Variants in MTX1 observed in about 807,000 individuals in gnomAD.
The protein encoded by MTX1 is metaxin-1.
A neutral mutation model predicts 39.4 loss-of-function variants in MTX1; 20 were observed. That is an observed-to-expected ratio of 0.51 (90% CI 0.36 to 0.74). The LOEUF (loss-of-function observed/expected upper bound fraction) is 0.74. MTX1 is among the 30% of genes least tolerant of loss of function. MTX1 has a pLI of 0.00. For missense variants in MTX1, 481 were observed against 485.9 expected (o/e 0.99, Z 0.10); for synonymous variants, 209 against 198.6 (o/e 1.05, Z -0.44).
At position 155,209,205 on chromosome 1, in the gene MTX1, G is replaced by A; in HGVS notation, c.401G>A (p.Arg134Lys). ...AVAGGGPRQG[R>K]AEAHKEVFPG... ...GCGGGGGGCGGGCCCAGGCAGGGGA[G>A]GGCAGAAGCACACAAGGAAGTGTTT... is the stretch of plus-strand genomic sequence containing the variant. Residue 134 changes from arginine to lysine, a missense_variant, in exon 1 of 8, where the codon AGG (arginine) becomes AAG (lysine). Arg to Lys is a conservative substitution (Grantham distance 26). This residue lies in a region of MTX1 where 368 missense variants were observed against 332.8 expected (regional missense o/e 1.11). Coordinates refer to ENST00000368376, the MANE Select transcript of MTX1 (RefSeq NM_002455.5). The A allele has an allele frequency of 4.1e-6, 6 of 1,463,800 alleles. No individual in the cohort carries two copies. The highest frequency in any genetic ancestry group is 5.4e-6 in the Non-Finnish European group (6 of 1,105,374). The allele number at this position is 1,463,800 out of a possible 1,614,324, so 90.7% of individuals were successfully genotyped here.
chr1:155,208,864 G>T lies in MTX1; in HGVS notation c.60G>T (p.Trp20Cys), dbSNP rs368634289. The change falls in exon 1 of 8, where the codon TGG (tryptophan) becomes TGT (cysteine). Residue 20 changes from tryptophan to cysteine, a missense_variant. Trp to Cys is a radical substitution (Grantham distance 215). This residue lies in a region of MTX1 where 368 missense variants were observed against 332.8 expected (regional missense o/e 1.11). Transcript: ENST00000368376. ...PRSGTSPKGP[W>C]SSTGHVQFGK... ...CGGGGACGAGCCCCAAGGGGCCCTG[G>T]AGCAGTACAGGCCACGTGCAGTTTG... The T allele has an allele frequency of 6.8e-6, 11 of 1,610,388 alleles. No individual in the cohort carries two copies. Among genetic ancestry groups the T allele is most frequent in the Admixed American group, 1.7e-5 (1 of 59,820 alleles).
rs150486798 is a variant in MTX1, at chr1:155,210,870, G to A, written c.678+243G>A. The A allele has an allele frequency of 3.4e-4, 186 of 541,756 alleles. 1 individual carries two copies. Among genetic ancestry groups the A allele is most frequent in the African/African-American group, 3.2e-3 (168 of 52,584 alleles). The allele number at this position is 541,756 out of a possible 1,614,324, so 33.6% of individuals were successfully genotyped here. On this transcript the variant is annotated intron_variant, in intron 3 of 7. Transcript: ENST00000368376. ...AGAGGAGCACAGGCTGAAGGAGAGT[G>A]GAAGACAGCAGTTGGCCTCTGATGG...
chr1:155,210,482 T>A, intron 2 of MTX1, 66 bp from the exon 3 acceptor site: 1 of 1,606,622 alleles, frequency 6.2e-7, no homozygotes, highest in South Asian at 1.1e-5. Context: ...TAGGCAGGAA[T>A]GTGTTGCAAC....
rs886637899 is a variant in MTX1, at chr1:155,209,199, A to C, written c.395A>C (p.Gln132Pro). 8 of 1,466,040 alleles carry C rather than the reference A, an allele frequency of 5.5e-6. No homozygotes were observed. Among genetic ancestry groups the C allele is most frequent in the Non-Finnish European group, 6.3e-6 (7 of 1,106,994 alleles). 90.8% of individuals were successfully genotyped at this position (1,466,040 alleles called of 1,614,324 possible). ...GCGGTGGCGGGGGGCGGGCCCAGGC[A>C]GGGGAGGGCAGAAGCACACAAGGAA... ...GGAVAGGGPR[Q>P]GRAEAHKEVF... Residue 132 changes from glutamine to proline, a missense_variant, in exon 1 of 8, where the codon CAG becomes CCG. This residue lies in a region of MTX1 where 368 missense variants were observed against 332.8 expected (regional missense o/e 1.11). Transcript: ENST00000368376.
At position 155,209,073 on chromosome 1, in the gene MTX1, C is replaced by T. The variant is rs995818317; in HGVS notation, c.269C>T (p.Ala90Val). Reference sequence around the variant, plus strand: ...GGCCGGCGGCCGCCCTCCCCCGAGGCCCGCGGCCCAGTCCCCCGCAGTTCA... The same window carrying T: ...GGCCGGCGGCCGCCCTCCCCCGAGGTCCGCGGCCCAGTCCCCCGCAGTTCA... ...WMGRRPPSPE[A>V]RGPVPRSSAA... The change falls in exon 1 of 8, where the codon GCC (alanine) becomes GTC (valine). Residue 90 changes from alanine (A) to valine (V), a missense_variant. Ala to Val is a moderately conservative substitution (Grantham distance 64). Around this residue, in one of 2 missense-constraint regions of MTX1, gnomAD observed 368 missense variants for 332.8 expected, o/e 1.11. Coordinates refer to ENST00000368376, the MANE Select transcript of MTX1 (RefSeq NM_002455.5). 1 of 1,538,832 alleles carries T rather than the reference C, an allele frequency of 6.5e-7. No homozygotes were observed. Among genetic ancestry groups the T allele is most frequent in the Non-Finnish European group, 8.8e-7 (1 of 1,141,536 alleles).
At chr1:155,210,277 A>G in intron 1 of MTX1, 69 bp from the exon 2 acceptor site, 1 of 1,366,284 alleles carries the variant, frequency 7.3e-7, no homozygotes, top group South Asian at 1.2e-5. Flanking sequence ...AATAAATGTT[A>G]TTTCTCTTCT....
chr1:155,209,280 G>C lies in MTX1; in HGVS notation c.476G>C (p.Trp159Ser). The C allele has an allele frequency of 6.9e-7, 1 of 1,446,032 alleles. No individual in the cohort carries two copies. Among genetic ancestry groups the C allele is most frequent in the Non-Finnish European group, 9.1e-7 (1 of 1,098,336 alleles). The allele number at this position is 1,446,032 out of a possible 1,614,324, so 89.6% of individuals were successfully genotyped here. The change falls in exon 1 of 8, where the codon TGG becomes TCG. Residue 159 changes from tryptophan to serine, a missense_variant. Physicochemically the swap from Trp to Ser is radical, Grantham distance 177 (BLOSUM62 -3). Coordinates refer to ENST00000368376, the MANE Select transcript of MTX1 (RefSeq NM_002455.5). ...GCGGCGCCCATGGAGCTGTTCTGCT[G>C]GTCAGGGGGCTGGGGGCTGCCGTCA... ...KMAAPMELFCWSGGWGLPSVD... is the reference protein window; with the variant it reads ...KMAAPMELFCSSGGWGLPSVD...
rs146096374 is a variant in MTX1 at position 155,212,208 on chromosome 1, C to T, written c.760C>T (p.Leu254Phe). 3.4e-5 allele frequency: 54 copies of T among 1,611,054 alleles called. No individual in the cohort carries two copies. The highest frequency in any genetic ancestry group is 1.6e-4 in the East Asian group (7 of 44,880). Residue 254 changes from leucine to phenylalanine, a missense_variant, in exon 4 of 8, where the codon CTC (leucine) becomes TTC (phenylalanine). Leu to Phe is a conservative substitution (Grantham distance 22, BLOSUM62 0). Coordinates refer to ENST00000368376, the MANE Select transcript of MTX1 (RefSeq NM_002455.5). ...CATGTCTCTCCTGGAGGAGAAGTTG[C>T]TCCCGGTGCTGGTGAGTGTGCCCAG... ...AFMSLLEEKLLPVLVHTFWID... is the reference protein window; with the variant it reads ...AFMSLLEEKLFPVLVHTFWID...
intron 3 of MTX1, chr1:155,211,817 C>A (rs1671139539): frequency 4.2e-6 from 1 of 239,832 alleles, no homozygotes; most frequent in Non-Finnish European, 8.2e-6. Flanking sequence ...AAGTTGCCGT[C>A]AGCGGGCGTT....
At chr1:155,212,911 A>G in intron 6 of MTX1, 141 bp downstream of exon 6, 1 of 1,166,360 alleles carries the variant, frequency 8.6e-7, no homozygotes, top group Non-Finnish European at 1.1e-6. Context: ...CCCTAGTGAC[A>G]GTGTGACTGT....
At chr1:155,210,652 T>G in intron 3 of MTX1, 25 bp downstream of exon 3, 1 of 1,599,136 alleles carries the variant, frequency 6.3e-7, no homozygotes, top group African/African-American at 1.3e-5. Flanking sequence ...TAGAGGGGGC[T>G]GCCAGTGAGA....
Position 155,208,870 on chromosome 1 carries a change from T to A in MTX1, c.66T>A (p.Ser22Arg). ...CGAGCCCCAAGGGGCCCTGGAGCAG[T>A]ACAGGCCACGTGCAGTTTGGCAAGA... ...SGTSPKGPWS[S>R]TGHVQFGKSP... Residue 22 changes from serine (S) to arginine (R), a missense_variant, in exon 1 of 8, where the codon AGT (serine) becomes AGA (arginine). By Grantham distance (110) the Ser-to-Arg change is moderately radical. Transcript: ENST00000368376. The A allele has an allele frequency of 6.2e-7, 1 of 1,611,492 alleles. No individual in the cohort carries two copies.
chr1:155,212,493 C>G lies in MTX1; in HGVS notation c.880C>G (p.Arg294Gly), dbSNP rs202230026. ...CTTCTTCCTGCCTGGCCGCATGCAG[C>G]GGCAGTACATGGAACGGCTACAGCT... Reference protein sequence around the residue: ...LNFFLPGRMQRQYMERLQLLT... With the variant: ...LNFFLPGRMQGQYMERLQLLT... The change falls in exon 5 of 8, where the codon CGG becomes GGG. Residue 294 changes from arginine (R) to glycine (G), a missense_variant. Coordinates refer to ENST00000368376, the MANE Select transcript of MTX1 (RefSeq NM_002455.5). The G allele has an allele frequency of 6.2e-7, 1 of 1,613,840 alleles. No individual in the cohort carries two copies. The highest frequency in any genetic ancestry group is 1.3e-5 in the African/African-American group (1 of 74,898).
chr1:155,209,049 G>T lies in MTX1; in HGVS notation c.245G>T (p.Gly82Val). ...LSRYVGHLWMGRRPPSPEARG... is the reference protein window; with the variant it reads ...LSRYVGHLWMVRRPPSPEARG... ...CGCTACGTGGGCCACCTCTGGATGG[G>T]CCGGCGGCCGCCCTCCCCCGAGGCC... The change falls in exon 1 of 8, where the codon GGC becomes GTC. Residue 82 changes from glycine (G) to valine (V), a missense_variant. Physicochemically the swap from Gly to Val is moderately radical, Grantham distance 109. Transcript: ENST00000368376. 6.5e-7 allele frequency: 1 copy of T among 1,541,744 alleles called. No individual in the cohort carries two copies.
At position 155,209,386 on chromosome 1, in the gene MTX1, C is replaced by T. The variant is rs991365022; in HGVS notation, c.528+54C>T. 5.2e-6 allele frequency: 7 copies of T among 1,354,076 alleles called. No homozygotes were observed. The Admixed American group carries it at 1.0e-4, about 20-fold the overall frequency. 83.9% of individuals were successfully genotyped at this position (1,354,076 alleles called of 1,614,324 possible). ...GTGCCCTGATGACTGGGGAGGGGGC[C>T]GAACTAGCCAAGCATCCAAACCTTG... On this transcript the variant is annotated intron_variant, in intron 1 of 7. Transcript: ENST00000368376.
intron 1 of MTX1, 125 bp downstream of exon 1, chr1:155,209,457 A>G: frequency 8.9e-7 from 1 of 1,128,798 alleles, no homozygotes; most frequent in Non-Finnish European, 1.2e-6. Flanking sequence ...TGAGGCAGTC[A>G]AAGAGCGTAC....
At chr1:155,212,068 C>G (rs942352003) in intron 3 of MTX1, 59 bp from the exon 4 acceptor site, 1 of 1,461,804 alleles carries the variant, frequency 6.8e-7, no homozygotes, top group East Asian at 2.3e-5. Flanking sequence ...ACTCCTTCCT[C>G]CCTGGTGAAG....
intron 5 of MTX1, 54 bp downstream of exon 5, chr1:155,212,621 A>C: frequency 6.2e-7 from 1 of 1,608,224 alleles, no homozygotes; most frequent in Non-Finnish European, 8.5e-7. Context: ...GATGCTGGCC[A>C]GGAATGGGAG....
At chr1:155,211,801 G>C (rs1168603248) in intron 3 of MTX1, 1 of 213,410 alleles carries the variant, frequency 4.7e-6, no homozygotes, top group East Asian at 1.1e-4. Flanking sequence ...GGAAGTTACT[G>C]TTAGAAAGTT....
Sources: gnomAD v4.1 joint callset for allele counts on GRCh38, gnomAD v4.1.1 for gene constraint, gnomAD v4.1.1 regional missense constraint, MANE v1.5 for transcripts, NCBI Gene and HGNC (gene_info 2026-07-23, HGNC 2026-07-21) for gene names.